ADAM9: variants seen among roughly 807,000 people sequenced by gnomAD.
ADAM9 encodes the protein ADAM metallopeptidase domain 9.
Under a neutral mutation model 108.1 loss-of-function variants are expected in ADAM9, and 54 were observed. The observed-to-expected ratio is 0.50, with a 90% confidence interval of 0.40 to 0.63. The LOEUF is 0.63. Ranked by LOEUF, ADAM9 falls within the 20% of genes least tolerant of loss-of-function variation. The pLI, the probability that ADAM9 is intolerant of heterozygous loss-of-function variation, is 0.00. For synonymous variants in ADAM9, 316 were observed against 336.0 expected (o/e 0.94, Z 0.65); for missense variants, 830 against 997.7 (o/e 0.83, Z 2.26).
chr8:39,027,803 C>T (rs1010100924), intron 11 of ADAM9, among the ~76,000 whole-genome samples: 1 of 151,908 alleles, frequency 6.6e-6, no homozygotes, highest in Non-Finnish European at 1.5e-5. Flanking sequence ...AAATACAGGA[C>T]GGACCTGGTG....
chr8:39,042,569 T>TA (rs111980663), intron 12 of ADAM9, among the ~76,000 whole-genome samples: 1,783 of 144,942 alleles, frequency 0.012, 16 homozygotes, highest in Non-Finnish European at 0.019. Context: ...AGTAGCACTC[T>TA]AAAAAAAAAA....
intron 14 of ADAM9, among the ~76,000 whole-genome samples, chr8:39,063,911 A>G (rs1431281894): frequency 6.6e-6 from 1 of 152,142 alleles, no homozygotes; most frequent in Non-Finnish European, 1.5e-5. Flanking sequence ...ATAAGATTCT[A>G]GGTTTGATTT....
At chr8:39,068,428 A>C (rs898313519) in intron 14 of ADAM9, among the ~76,000 whole-genome samples, 5 of 151,908 alleles carry the variant, frequency 3.3e-5, no homozygotes, top group African/African-American at 1.2e-4. Flanking sequence ...TAATCCTAGC[A>C]CTTTGGGAGG....
At chr8:39,003,828 CG>C (rs1836079545) in intron 1 of ADAM9, among the ~76,000 whole-genome samples, 1 of 151,952 alleles carries the variant, frequency 6.6e-6, no homozygotes, top group Non-Finnish European at 1.5e-5. Context: ...TGATTAGTTA[CG>C]GCATTTTGCT....
chr8:39,099,780 CCAG>C (rs1467491223), intron 20 of ADAM9, among the ~76,000 whole-genome samples: 6 of 151,930 alleles, frequency 3.9e-5, no homozygotes, highest in Non-Finnish European at 2.9e-5. Flanking sequence ...ATTAACATAT[CCAG>C]CACCTTGCTT....
At chr8:39,007,764 A>G (rs1224491923) in intron 1 of ADAM9, 122 bp from the exon 2 acceptor site, 5 of 700,688 alleles carry the variant, frequency 7.1e-6, no homozygotes, top group Non-Finnish European at 1.2e-5. Flanking sequence ...TTATATGCAT[A>G]TTGTAATATG....
intron 12 of ADAM9, among the ~76,000 whole-genome samples, chr8:39,046,134 C>G (rs1291348801): frequency 1.3e-5 from 2 of 151,984 alleles, no homozygotes; most frequent in East Asian, 3.9e-4. Context: ...TTTGTATCAT[C>G]TTTTATTTCT....
At chr8:39,041,916 C>T (rs1837466130) in intron 11 of ADAM9, 30 bp from the exon 12 acceptor site, 14 of 1,605,114 alleles carry the variant, frequency 8.7e-6, no homozygotes, top group Non-Finnish European at 1.1e-5. Context: ...ATCACTGTGA[C>T]ATAGATCTTT....
chr8:39,009,170 G>A (rs927379274), intron 2 of ADAM9, among the ~76,000 whole-genome samples: 1 of 152,200 alleles, frequency 6.6e-6, no homozygotes, highest in Non-Finnish European at 1.5e-5. Flanking sequence ...CAACTGAGGA[G>A]TAAATGACTC....
At chr8:39,008,760 A>G (rs181655251) in intron 2 of ADAM9, among the ~76,000 whole-genome samples, 60 of 152,318 alleles carry the variant, frequency 3.9e-4, no homozygotes, top group African/African-American at 1.4e-3. Context: ...TTACTAAAAT[A>G]CAAGTTTTAT....
intron 11 of ADAM9, among the ~76,000 whole-genome samples, chr8:39,029,046 G>C (rs1837014831): frequency 6.6e-6 from 1 of 151,720 alleles, no homozygotes; most frequent in African/African-American, 2.4e-5. Flanking sequence ...AGTGCATATT[G>C]ACGTTTAAAT....
intron 1 of ADAM9, among the ~76,000 whole-genome samples, chr8:39,006,660 A>G (rs1588322620): frequency 6.6e-6 from 1 of 151,694 alleles, no homozygotes; most frequent in Admixed American, 6.6e-5. Flanking sequence ...GGACTCCCAC[A>G]TGGTGTGTCT....
chr8:39,012,763 A>T (rs1836397532), intron 3 of ADAM9, among the ~76,000 whole-genome samples: 1 of 152,194 alleles, frequency 6.6e-6, no homozygotes, highest in Admixed American at 6.5e-5. Flanking sequence ...ACTTGGACAC[A>T]GGAAGGGGAA....
intron 14 of ADAM9, among the ~76,000 whole-genome samples, chr8:39,056,933 G>A (rs974396867): frequency 1.1e-4 from 16 of 152,108 alleles, no homozygotes; most frequent in South Asian, 6.2e-4. Context: ...GTCATATACC[G>A]CATAACAACA....
intron 20 of ADAM9, among the ~76,000 whole-genome samples, chr8:39,091,806 A>T (rs1261038276): frequency 1.3e-5 from 2 of 152,180 alleles, no homozygotes; most frequent in African/African-American, 4.8e-5. Context: ...CTTTAAAGGA[A>T]AACCAGCGGA....
chr8:39,014,653 G>T, intron 4 of ADAM9: 1 of 692,420 alleles, frequency 1.4e-6, no homozygotes, highest in South Asian at 1.5e-5. Context: ...CTTTTTGGCA[G>T]TTAGGTATTA....
chr8:39,083,688 C>T (rs1208337245), intron 18 of ADAM9, among the ~76,000 whole-genome samples: 1 of 152,210 alleles, frequency 6.6e-6, no homozygotes, highest in African/African-American at 2.4e-5. Context: ...TCATTTCCTT[C>T]TATTGCTTTT....
intron 11 of ADAM9, among the ~76,000 whole-genome samples, chr8:39,031,282 AAT>A (rs976442470): frequency 5.1e-4 from 77 of 152,306 alleles, no homozygotes; most frequent in African/African-American, 1.8e-3. Context: ...TTTGCATATG[AAT>A]ATCTAATTGT....
intron 3 of ADAM9, among the ~76,000 whole-genome samples, chr8:39,013,296 A>G (rs1836416050): frequency 2.0e-5 from 3 of 152,170 alleles, no homozygotes; most frequent in Admixed American, 1.3e-4. Flanking sequence ...TTCTAATGTA[A>G]ATATGATATA....
Sources: allele counts gnomAD v4.1 joint callset (sites outside exome capture counted in the v4.1 genomes callset), GRCh38; gene constraint gnomAD v4.1.1; transcripts MANE v1.5; gene names NCBI Gene and HGNC (gene_info 2026-07-23, HGNC 2026-07-21).